Variants in EDIL3 observed in about 807,000 individuals in gnomAD.
The protein encoded by EDIL3 is EGF like and discoidin domains 3, also known as EGF-like repeat and discoidin I-like domain-containing protein 3.
A neutral mutation model predicts 67.4 loss-of-function variants in EDIL3; 37 were observed. The ratio of observed to expected loss-of-function variants is 0.55; its 90% CI spans 0.42 to 0.72. EDIL3 has a LOEUF of 0.72. Among genes scored for constraint, EDIL3 ranks in the 30% least tolerant of loss-of-function variants. The probability of loss-of-function intolerance (pLI) is 0.00; values close to 1 mark genes in which losing one functional copy is unlikely to be tolerated. For missense variants in EDIL3, 527 were observed against 586.3 expected (o/e 0.90, Z 1.04); for synonymous variants, 195 against 196.3 (o/e 0.99, Z 0.05).
intron 1 of EDIL3, among the ~76,000 whole-genome samples, chr5:84,383,598 C>T (rs915903600): frequency 6.6e-5 from 10 of 152,204 alleles, no homozygotes; most frequent in Admixed American, 4.6e-4. Flanking sequence ...TTCCCCATTA[C>T]CAAGAGTTAA....
In EDIL3 at chr5:83,987,869, G is replaced by GTATATATATATA. The variant is rs34360330; in HGVS notation, c.1138-24521_1138-24510dup. 5.6e-3 allele frequency among the ~76,000 whole-genome samples: 778 copies of GTATATATATATA among 138,356 alleles called. 10 individuals are homozygous for GTATATATATATA. Among genetic ancestry groups the GTATATATATATA allele is most frequent in the African/African-American group, 0.02 (676 of 34,426 alleles). The allele number at this position is 138,356 out of a possible 152,430, so 90.8% of individuals were successfully genotyped here. Reference sequence around the variant, plus strand: ...CAGCTGATAGGGTGTGTGTGTGTATGTATATATATATATATATATATATAG... The same window carrying GTATATATATATA: ...CAGCTGATAGGGTGTGTGTGTGTATGTATATATATATATATATATATATATATATATATATAG... On this transcript the variant is annotated intron_variant, in intron 9 of 10. Coordinates refer to ENST00000296591, the MANE Select transcript of EDIL3 (RefSeq NM_005711.5).
chr5:83,957,812 C>T (rs927118965), intron 10 of EDIL3, among the ~76,000 whole-genome samples: 2 of 151,508 alleles, frequency 1.3e-5, no homozygotes, highest in East Asian at 2.0e-4. Flanking sequence ...AAAATTTTTC[C>T]ACCTTTACTG....
At chr5:83,998,301 C>G (rs1745268795) in intron 9 of EDIL3, among the ~76,000 whole-genome samples, 1 of 152,100 alleles carries the variant, frequency 6.6e-6, no homozygotes, top group Non-Finnish European at 1.5e-5. Flanking sequence ...CATTTCAGGC[C>G]CTAGCACCCA....
Position 84,265,147 on chromosome 5 carries a change from G to T in EDIL3, c.68-10935C>A, listed in dbSNP as rs867228079. 4.6e-5 allele frequency among the ~76,000 whole-genome samples: 7 copies of T among 152,214 alleles called. No individual in the cohort carries two copies. In the South Asian group the frequency reaches 1.5e-3, roughly 32 times the overall value. ...ATGTTAAAATTACAGAAAAAAAATTGCAAAGCCTAATTTCATGCTTTAATT... is the reference window on the plus strand; with the variant it reads ...ATGTTAAAATTACAGAAAAAAAATTTCAAAGCCTAATTTCATGCTTTAATT... On this transcript the variant is annotated intron_variant, in intron 1 of 10. Transcript: ENST00000296591.
intron 3 of EDIL3, among the ~76,000 whole-genome samples, chr5:84,182,270 T>TACACACACACAC (rs71607704): frequency 1.1e-3 from 158 of 142,018 alleles, no homozygotes; most frequent in African/African-American, 2.9e-3. Flanking sequence ...CTACAAAAAA[T>TACACACACACAC]ACACACACAC....
chr5:83,982,099 T>C (rs1231099584), intron 9 of EDIL3, among the ~76,000 whole-genome samples: 1 of 152,042 alleles, frequency 6.6e-6, no homozygotes, highest in Non-Finnish European at 1.5e-5. Flanking sequence ...CCAAAAAAAA[T>C]CTAACACATG....
chr5:84,363,809 T>C (rs1313640776), intron 1 of EDIL3, among the ~76,000 whole-genome samples: 3 of 152,144 alleles, frequency 2.0e-5, no homozygotes, highest in Non-Finnish European at 4.4e-5. Flanking sequence ...CAACAACTTC[T>C]AGATCTCAAC....
chr5:84,159,546 C>T (rs1304823523), intron 4 of EDIL3, among the ~76,000 whole-genome samples: 3 of 151,956 alleles, frequency 2.0e-5, no homozygotes, highest in African/African-American at 7.2e-5. Flanking sequence ...AGTCTCAAAA[C>T]ACTTGATCAT....
intron 4 of EDIL3, among the ~76,000 whole-genome samples, chr5:84,139,108 G>A (rs1748143733): frequency 2.0e-5 from 3 of 152,048 alleles, no homozygotes; most frequent in Non-Finnish European, 4.4e-5. Context: ...GTGGTGGCGT[G>A]TGCCTATAAT....
intron 3 of EDIL3, among the ~76,000 whole-genome samples, chr5:84,218,825 CTGGTTGTGGAAAGGGGAGGA>C (rs2112397705): frequency 6.6e-6 from 1 of 152,220 alleles, no homozygotes; most frequent in East Asian, 1.9e-4. Context: ...AGAGAGTCCA[CTGGTTGTGGAAAGGGGAGGA>C]AAGGGTGGGA....
At position 83,999,056 on chromosome 5, in the gene EDIL3, G is replaced by T. The variant is rs554509024; in HGVS notation, c.1138-35696C>A. Among the ~76,000 whole-genome samples the T allele has an allele frequency of 1.6e-4, 24 of 152,278 alleles. No individual in the cohort carries two copies. The South Asian group carries it at 4.8e-3, about 30-fold the overall frequency. On this transcript the variant is annotated intron_variant, in intron 9 of 10. Transcript: ENST00000296591. ...AGGTGGTACCTCTACAAGTCTGCAAGAGTCACAGGGTTACTAGGCTTGAGA... is the reference window on the plus strand; with the variant it reads ...AGGTGGTACCTCTACAAGTCTGCAATAGTCACAGGGTTACTAGGCTTGAGA...
intron 4 of EDIL3, among the ~76,000 whole-genome samples, chr5:84,160,824 T>TCCTTTCCTTTCCTTTC: frequency 7.8e-6 from 1 of 127,646 alleles, no homozygotes; most frequent in African/African-American, 2.9e-5. Context: ...CCTTTCCCTT[T>TCCTTTCCTTTCCTTTC]CCTTTTCCTT....
intron 6 of EDIL3, among the ~76,000 whole-genome samples, chr5:84,106,425 T>C (rs1747461660): frequency 6.6e-6 from 1 of 152,108 alleles, no homozygotes; most frequent in South Asian, 2.1e-4. Flanking sequence ...TATTTATACC[T>C]GAATATTTTT....
chr5:84,090,488 G>C, intron 6 of EDIL3, among the ~76,000 whole-genome samples: 1 of 152,164 alleles, frequency 6.6e-6, no homozygotes, highest in South Asian at 2.1e-4. Context: ...TTCGCTGGGG[G>C]TATCTGCCCG....
chr5:84,215,398 C>T (rs913633155), intron 3 of EDIL3, among the ~76,000 whole-genome samples: 5 of 151,936 alleles, frequency 3.3e-5, no homozygotes, highest in African/African-American at 7.3e-5. Context: ...GGACTACAGG[C>T]GCCCGCCACC....
intron 9 of EDIL3, among the ~76,000 whole-genome samples, chr5:84,017,296 A>G (rs1745624372): frequency 6.6e-6 from 1 of 152,124 alleles, no homozygotes; most frequent in African/African-American, 2.4e-5. Context: ...GCTACTGGCG[A>G]GCTTTTCCTT....
intron 3 of EDIL3, among the ~76,000 whole-genome samples, chr5:84,206,305 C>T (rs959616422): frequency 4.7e-4 from 72 of 152,124 alleles, no homozygotes; most frequent in African/African-American, 1.7e-3. Flanking sequence ...TGTTCTTTTA[C>T]ATTTGCTGAG....
intron 6 of EDIL3, among the ~76,000 whole-genome samples, chr5:84,072,119 G>A (rs894395110): frequency 8.5e-5 from 13 of 152,098 alleles, no homozygotes; most frequent in Non-Finnish European, 1.9e-4. Context: ...TTCTATTCAT[G>A]ACACTAGATT....
chr5:84,144,913 G>C (rs1359796383), intron 4 of EDIL3, among the ~76,000 whole-genome samples: 1 of 152,018 alleles, frequency 6.6e-6, no homozygotes, highest in Non-Finnish European at 1.5e-5. Flanking sequence ...CCCCAAACTG[G>C]CTTAGGTGAG....
Sources: gnomAD v4.1 joint callset for allele counts (sites outside exome capture counted in the v4.1 genomes callset) on GRCh38, gnomAD v4.1.1 for gene constraint, MANE v1.5 for transcripts, NCBI Gene and HGNC (gene_info 2026-07-23, HGNC 2026-07-21) for gene names.